The following TMEM181 variants were observed in gnomAD, a reference collection of about 807,000 sequenced individuals.
TMEM181 encodes the protein G protein-coupled receptor 178.
TMEM181 carries 39 observed loss-of-function variants against 71.9 expected under a neutral mutation model. The ratio of observed to expected loss-of-function variants is 0.54; its 90% CI spans 0.42 to 0.71. The LOEUF is 0.71. TMEM181 is among the 30% of genes least tolerant of loss of function. The pLI is 0.00. For synonymous variants in TMEM181, 245 were observed against 228.8 expected, an observed-to-expected ratio of 1.07 and a Z score of -0.64; for missense variants, 595 against 583.0, an observed-to-expected ratio of 1.02 and a Z score of -0.21.
At chr6:158,621,903 G>C (rs1339180497) in intron 10 of TMEM181, among the ~76,000 whole-genome samples, 1 of 152,186 alleles carries the variant, frequency 6.6e-6, no homozygotes, top group Non-Finnish European at 1.5e-5. Flanking sequence ...AGACCACAAA[G>C]GGCTTTAAGG....
At chr6:158,577,586 T>TC (rs766419698) in intron 2 of TMEM181, among the ~76,000 whole-genome samples, 23 of 152,004 alleles carry the variant, frequency 1.5e-4, no homozygotes, top group Middle Eastern at 3.2e-3. Context: ...AATATAAACA[T>TC]CCAAGAAGCT....
chr6:158,540,162 T>C (rs1781288097), intron 1 of TMEM181, among the ~76,000 whole-genome samples: 1 of 152,166 alleles, frequency 6.6e-6, no homozygotes, highest in Non-Finnish European at 1.5e-5. Context: ...TGGCTGTCTC[T>C]AAAAGAAAAA....
chr6:158,607,750 G>A (rs1361205920), intron 8 of TMEM181, among the ~76,000 whole-genome samples: 1 of 152,208 alleles, frequency 6.6e-6, no homozygotes, highest in African/African-American at 2.4e-5. Context: ...GCCCCAGAAG[G>A]AACATGTAGC....
rs181601820 is a variant in TMEM181 at position 158,546,680 on chromosome 6, C to T, written c.131+9815C>T. ...GAGCTTTAAAAATACTGATGCCAGC[C>T]AGGCGCGATGGCGCACACCTGTAAT... On this transcript the variant is annotated intron_variant, in intron 1 of 16. Transcript: ENST00000367090. Among the ~76,000 whole-genome samples, 4 of 152,364 alleles carry T rather than the reference C, an allele frequency of 2.6e-5. No individual in the cohort carries two copies. The East Asian group carries it at 7.7e-4, about 29-fold the overall frequency.
upstream of TMEM181, chr6:158,560,021 C>G: frequency 1.0e-6 from 1 of 984,082 alleles, no homozygotes; most frequent in Non-Finnish European, 1.2e-6. Flanking sequence ...GGCCCCGCTT[C>G]CACCGCGCCG....
upstream of TMEM181, among the ~76,000 whole-genome samples, chr6:158,559,354 G>A (rs1782024876): frequency 6.6e-6 from 1 of 152,194 alleles, no homozygotes; most frequent in African/African-American, 2.4e-5. Flanking sequence ...TTACAGTTTA[G>A]TGAATGAATG....
chr6:158,631,966 A>G lies in TMEM181; in HGVS notation c.*78A>G, dbSNP rs1786693647. ...CCGTCTGCTGACCTTCCCCTGTTAT[A>G]TTCAGATTTTTCTTACAAGCAGAGA... On this transcript the variant is annotated 3_prime_UTR_variant, in exon 17 of 17. Coordinates refer to ENST00000684151, the MANE Select transcript of TMEM181 (RefSeq NM_001376852.1). 2 of 1,317,970 alleles carry G rather than the reference A, an allele frequency of 1.5e-6. No individual in the cohort carries two copies. Among genetic ancestry groups the G allele is most frequent in the Non-Finnish European group, 2.1e-6 (2 of 947,822 alleles). 81.6% of individuals were successfully genotyped at this position (1,317,970 alleles called of 1,614,324 possible). A position where few individuals can be genotyped will look rare whatever the true frequency, so the allele number is the denominator to read the frequency against.
intron 1 of TMEM181, among the ~76,000 whole-genome samples, chr6:158,548,078 G>T (rs539802394): frequency 6.6e-6 from 1 of 152,092 alleles, no homozygotes; most frequent in East Asian, 1.9e-4. Flanking sequence ...CCCCAGGGCT[G>T]CTTGAGGGCC....
chr6:158,623,176 T>C (rs1786069686), intron 10 of TMEM181, among the ~76,000 whole-genome samples: 1 of 152,250 alleles, frequency 6.6e-6, no homozygotes, highest in Non-Finnish European at 1.5e-5. Context: ...TGGAAGTTTC[T>C]ATTTGCTTTT....
chr6:158,607,826 C>T (rs369290580), intron 8 of TMEM181, among the ~76,000 whole-genome samples: 3 of 152,226 alleles, frequency 2.0e-5, no homozygotes, highest in Non-Finnish European at 4.4e-5. Flanking sequence ...GGCTCTCTAA[C>T]AAATAGGCGG....
chr6:158,573,831 C>CA (rs1419477226), intron 2 of TMEM181, among the ~76,000 whole-genome samples: 3 of 152,096 alleles, frequency 2.0e-5, no homozygotes, highest in African/African-American at 7.2e-5. Flanking sequence ...CGAGACCCAG[C>CA]TGGGCGCTGG....
chr6:158,626,927 CCCTCAT>C (rs1300608041), intron 13 of TMEM181, among the ~76,000 whole-genome samples: 1 of 90,348 alleles, frequency 1.1e-5, no homozygotes, highest in African/African-American at 5.8e-5. Flanking sequence ...CTCATTCTCA[CCCTCAT>C]TCTCACCCTC....
At chr6:158,587,558 G>A (rs960488502) in intron 5 of TMEM181, among the ~76,000 whole-genome samples, 5 of 151,126 alleles carry the variant, frequency 3.3e-5, no homozygotes, top group African/African-American at 1.2e-4. Flanking sequence ...TTGAACTCCT[G>A]GGCTCAAGCA....
At chr6:158,615,487 A>G (rs1463454145) in intron 10 of TMEM181, among the ~76,000 whole-genome samples, 1 of 152,188 alleles carries the variant, frequency 6.6e-6, no homozygotes, top group Non-Finnish European at 1.5e-5. Flanking sequence ...TCTTTAGTTT[A>G]ATTAGATCCC....
intron 6 of TMEM181, among the ~76,000 whole-genome samples, chr6:158,600,495 A>G (rs1784613147): frequency 5.5e-5 from 5 of 91,404 alleles, no homozygotes; most frequent in African/African-American, 9.1e-5. Context: ...TTGGAGATGG[A>G]ATCTTGCTCT....
intron 1 of TMEM181, among the ~76,000 whole-genome samples, chr6:158,545,130 A>G (rs999361062): frequency 2.6e-5 from 4 of 152,206 alleles, no homozygotes; most frequent in African/African-American, 9.6e-5. Flanking sequence ...CGTGGGCTGC[A>G]GGGCACTGCT....
intron 1 of TMEM181, among the ~76,000 whole-genome samples, chr6:158,545,515 C>T (rs1181348701): frequency 6.6e-6 from 1 of 152,250 alleles, no homozygotes; most frequent in Non-Finnish European, 1.5e-5. Flanking sequence ...GCAACGCCGC[C>T]CGCTTTTCCA....
intron 10 of TMEM181, among the ~76,000 whole-genome samples, chr6:158,615,320 C>T (rs966617082): frequency 3.3e-5 from 5 of 152,214 alleles, no homozygotes; most frequent in Non-Finnish European, 5.9e-5. Context: ...CCTTCACCCA[C>T]TTTTTGATGG....
At chr6:158,565,007 G>T (rs1032299150) in intron 1 of TMEM181, among the ~76,000 whole-genome samples, 1 of 152,212 alleles carries the variant, frequency 6.6e-6, no homozygotes, top group African/African-American at 2.4e-5. Context: ...CGTCGTGGTG[G>T]TTTGCGGAGA....
Sources: gnomAD v4.1 joint callset for allele counts (sites outside exome capture counted in the v4.1 genomes callset) on GRCh38, gnomAD v4.1.1 for gene constraint, MANE v1.5 for transcripts, NCBI Gene and HGNC (gene_info 2026-07-23, HGNC 2026-07-21) for gene names.